MTHFS: variants seen among roughly 807,000 people sequenced by gnomAD.
The protein encoded by MTHFS is methenyltetrahydrofolate synthetase.
In MTHFS, 7 loss-of-function variants were observed where a neutral mutation model predicts 12.7. The ratio of observed to expected loss-of-function variants is 0.55; its 90% CI spans 0.31 to 1.03. The LOEUF (loss-of-function observed/expected upper bound fraction) is 1.03. Among genes scored for constraint, MTHFS ranks in the 50% least tolerant of loss-of-function variants. The pLI, the probability that MTHFS is intolerant of heterozygous loss-of-function variation, is 0.05. For missense variants in MTHFS, 252 were observed against 258.1 expected (o/e 0.98, Z 0.16); for synonymous variants, 100 against 97.1 (o/e 1.03, Z -0.18).
At chr15:79,862,681 T>A (rs1447646293) in intron 2 of MTHFS, among the ~76,000 whole-genome samples, 1 of 152,242 alleles carries the variant, frequency 6.6e-6, no homozygotes, top group Non-Finnish European at 1.5e-5. Flanking sequence ...TTTCTATATA[T>A]ATGAAGATTC....
At position 79,896,997 on chromosome 15, in the gene MTHFS, C is replaced by T; in HGVS notation, c.-9G>A. ...ACCGCTGCCGCCGCCATCTCACGCC[C>T]AAGCCGAGTCCAGTCCCGCCCTCGG... On this transcript the variant is annotated 5_prime_UTR_variant, in exon 1 of 3. Transcript: ENST00000258874. 2 of 1,526,436 alleles carry T rather than the reference C, an allele frequency of 1.3e-6. No homozygotes were observed. Among genetic ancestry groups the T allele is most frequent in the Non-Finnish European group, 1.8e-6 (2 of 1,142,850 alleles). The allele number at this position is 1,526,436 out of a possible 1,614,324, so 94.6% of individuals were successfully genotyped here.
At chr15:79,864,547 C>CAA (rs58698908) in intron 2 of MTHFS, among the ~76,000 whole-genome samples, 1,826 of 64,476 alleles carry the variant, frequency 0.028, 318 homozygotes, top group Non-Finnish European at 0.032. Flanking sequence ...TCCATCTCAA[C>CAA]AAAAAAAAAA....
At chr15:79,888,944 C>G in intron 2 of MTHFS, 149 bp downstream of exon 2, 4 of 1,247,434 alleles carry the variant, frequency 3.2e-6, no homozygotes, top group Non-Finnish European at 4.3e-6. Context: ...ACATCCTAAA[C>G]CAGGTAATAC....
chr15:79,861,386 C>A (rs1206406728), intron 2 of MTHFS, among the ~76,000 whole-genome samples: 1 of 152,110 alleles, frequency 6.6e-6, no homozygotes, highest in Non-Finnish European at 1.5e-5. Context: ...TTTTTGTTTC[C>A]AGGGCATCAC....
intron 2 of MTHFS, among the ~76,000 whole-genome samples, chr15:79,855,195 T>A (rs1017062129): frequency 1.3e-5 from 2 of 152,214 alleles, no homozygotes; most frequent in African/African-American, 4.8e-5. Context: ...AAAAAATCTA[T>A]ACATCAGCTT....
Position 79,889,239 on chromosome 15 carries a change from C to G in MTHFS, c.233G>C (p.Cys78Ser), listed in dbSNP as rs1335518505. 1 of 1,614,174 alleles carries G rather than the reference C, an allele frequency of 6.2e-7. No homozygotes were observed. Among genetic ancestry groups the G allele is most frequent in the Non-Finnish European group, 8.5e-7 (1 of 1,180,032 alleles). ...IKDIFQRGKICFIPRYRFQSN... is the reference protein window; with the variant it reads ...IKDIFQRGKISFIPRYRFQSN... ...CTGGAACCGGTACCGAGGGATGAAG[C>G]AGATTTTGCCTCGTTGGAAAATGTC... The change falls in exon 2 of 3, where the codon TGC (cysteine) becomes TCC (serine). Residue 78 changes from cysteine (C) to serine (S), a missense_variant. Transcript: ENST00000258874.
chr15:79,895,612 AC>A (rs2034554268), intron 1 of MTHFS, among the ~76,000 whole-genome samples: 1 of 152,238 alleles, frequency 6.6e-6, no homozygotes, highest in African/African-American at 2.4e-5. Context: ...ATCTACTAAA[AC>A]ACCCAGCAAT....
intron 1 of MTHFS, among the ~76,000 whole-genome samples, chr15:79,891,170 C>T (rs2034465791): frequency 6.6e-6 from 1 of 152,184 alleles, no homozygotes; most frequent in South Asian, 2.1e-4. Flanking sequence ...GATCACAACA[C>T]TCAGAGAATA....
At chr15:79,846,753 T>C (rs2033622332) in intron 2 of MTHFS, among the ~76,000 whole-genome samples, 1 of 152,234 alleles carries the variant, frequency 6.6e-6, no homozygotes. Context: ...CATTTGTCCC[T>C]CTTGGGATTG....
At chr15:79,868,621 T>C (rs962878820) in intron 2 of MTHFS, among the ~76,000 whole-genome samples, 6 of 152,188 alleles carry the variant, frequency 3.9e-5, no homozygotes, top group Admixed American at 1.3e-4. Context: ...GTGGCCTGAA[T>C]AGAATAAAAG....
At chr15:79,847,930 GAA>G (rs2033648556) in intron 2 of MTHFS, among the ~76,000 whole-genome samples, 1 of 152,134 alleles carries the variant, frequency 6.6e-6, no homozygotes, top group African/African-American at 2.4e-5. Flanking sequence ...AGCCATTAAA[GAA>G]AAGAGTATAT....
Position 79,845,079 on chromosome 15 carries a change from T to C in MTHFS, c.*131A>G. On this transcript the variant is annotated 3_prime_UTR_variant, in exon 3 of 3. Transcript: ENST00000258874. Reference sequence around the variant, plus strand: ...TGGTTTTATATAAGGTATTTCATAATTACAATTTTAAAATGCAGTCTGTAT... The same window carrying C: ...TGGTTTTATATAAGGTATTTCATAACTACAATTTTAAAATGCAGTCTGTAT... The C allele has an allele frequency of 1.7e-6, 2 of 1,199,116 alleles. No individual in the cohort carries two copies. Among genetic ancestry groups the C allele is most frequent in the Non-Finnish European group, 2.3e-6 (2 of 875,126 alleles). 74.3% of individuals were successfully genotyped at this position (1,199,116 alleles called of 1,614,324 possible).
intron 2 of MTHFS, among the ~76,000 whole-genome samples, chr15:79,883,735 A>T (rs1272082689): frequency 6.6e-6 from 1 of 152,236 alleles, no homozygotes; most frequent in Non-Finnish European, 1.5e-5. Flanking sequence ...ACAATTAGTC[A>T]GTACTGTAAT....
At chr15:79,891,808 A>G (rs1335980676) in intron 1 of MTHFS, among the ~76,000 whole-genome samples, 1 of 152,022 alleles carries the variant, frequency 6.6e-6, no homozygotes, top group African/African-American at 2.4e-5. Flanking sequence ...TCTCTACTAA[A>G]TATACAACAA....
rs2141376966 is a variant in MTHFS, at chr15:79,889,331, T to C, written c.141A>G (p.Gln47=). Residue 47 remains glutamine (Q), a synonymous_variant, in exon 2 of 3, where the codon CAA becomes CAG. Coordinates refer to ENST00000258874, the MANE Select transcript of MTHFS (RefSeq NM_006441.4). ...GAAAGATGGAAATTCTTTTGGACTT[T>C]TGATACTCACTGTGGGCAATCACCT... ...SQKVIAHSEY[Q]KSKRISIFLS... 2 of 1,614,056 alleles carry C rather than the reference T, an allele frequency of 1.2e-6. No homozygotes were observed. The highest frequency in any genetic ancestry group is 1.7e-6 in the Non-Finnish European group (2 of 1,179,940).
chr15:79,886,493 T>C (rs2034384353), intron 2 of MTHFS, among the ~76,000 whole-genome samples: 2 of 151,032 alleles, frequency 1.3e-5, no homozygotes, highest in Admixed American at 6.6e-5. Context: ...CAAAGAAAAA[T>C]GCATGGGGGA....
intron 2 of MTHFS, among the ~76,000 whole-genome samples, chr15:79,880,800 A>AAAC (rs1555413497): frequency 4.7e-5 from 7 of 149,454 alleles, no homozygotes; most frequent in Middle Eastern, 3.5e-3. Context: ...GCAAAAAAAA[A>AAAC]AAACAAACAA....
At chr15:79,865,818 G>A (rs2033999959) in intron 2 of MTHFS, among the ~76,000 whole-genome samples, 1 of 152,182 alleles carries the variant, frequency 6.6e-6, no homozygotes, top group Admixed American at 6.5e-5. Context: ...CCTCCGGCAG[G>A]TGCCTACAAT....
intron 2 of MTHFS, among the ~76,000 whole-genome samples, chr15:79,870,316 G>A (rs139167307): frequency 6.6e-5 from 10 of 152,248 alleles, no homozygotes; most frequent in Admixed American, 3.9e-4. Context: ...TTTTGGTACC[G>A]TCTATGGTTT....
Sources: gnomAD v4.1 joint callset for allele counts (sites outside exome capture counted in the v4.1 genomes callset) on GRCh38, gnomAD v4.1.1 for gene constraint, MANE v1.5 for transcripts, NCBI Gene and HGNC (gene_info 2026-07-23, HGNC 2026-07-21) for gene names.